Variants in LRRC4C observed in about 807,000 individuals in gnomAD.
LRRC4C encodes the protein leucine rich repeat containing 4C.
LRRC4C carries 5 observed loss-of-function variants against 33.6 expected under a neutral mutation model. That is an observed-to-expected ratio of 0.15 (90% CI 0.08 to 0.31). LRRC4C has a LOEUF of 0.31. Ranked by LOEUF, LRRC4C falls within the 10% of genes least tolerant of loss-of-function variation. The pLI, the probability that LRRC4C is intolerant of heterozygous loss-of-function variation, is 1.00. For synonymous variants in LRRC4C, 329 were observed against 302.0 expected, an observed-to-expected ratio of 1.09 and a Z score of -0.93; for missense variants, 560 against 796.7, an observed-to-expected ratio of 0.70 and a Z score of 3.58.
intron 3 of LRRC4C, among the ~76,000 whole-genome samples, chr11:40,336,355 AC>A (rs1416200480): frequency 3.3e-5 from 5 of 152,114 alleles, no homozygotes; most frequent in Non-Finnish European, 5.9e-5. Flanking sequence ...CCTGGCTAAT[AC>A]GTATTTCCCA....
intron 2 of LRRC4C, among the ~76,000 whole-genome samples, chr11:40,710,157 TTTG>T (rs1385700541): frequency 3.9e-5 from 6 of 152,176 alleles, no homozygotes; most frequent in African/African-American, 4.8e-5. Context: ...CTCGGAGAAG[TTTG>T]TTATTACCGA....
At chr11:40,650,633 A>AGT (rs1160039664) in intron 2 of LRRC4C, among the ~76,000 whole-genome samples, 1 of 152,080 alleles carries the variant, frequency 6.6e-6, no homozygotes, top group Non-Finnish European at 1.5e-5. Flanking sequence ...ACATCACATA[A>AGT]TTTTTTTCTC....
intron 5 of LRRC4C, among the ~76,000 whole-genome samples, chr11:40,207,768 T>G (rs568795186): frequency 6.6e-6 from 1 of 152,332 alleles, no homozygotes; most frequent in East Asian, 1.9e-4. Context: ...CTTAGGTTAA[T>G]TAATGATTTA....
In LRRC4C at chr11:40,547,362, G is replaced by A. The variant is rs117038956; in HGVS notation, c.-270+100780C>T. 6.4e-3 allele frequency among the ~76,000 whole-genome samples: 968 copies of A among 152,138 alleles called. 5 individuals carry two copies. The highest frequency in any genetic ancestry group is 0.017 in the Middle Eastern group (5 of 294). Reference sequence around the variant, plus strand: ...ATCTTGAAGCCAAATTCTGGGTGGAGAAACATAATTATTTTAATGCCTCCT... The same window carrying A: ...ATCTTGAAGCCAAATTCTGGGTGGAAAAACATAATTATTTTAATGCCTCCT... On this transcript the variant is annotated intron_variant, in intron 3 of 6. Transcript: ENST00000528697.
intron 2 of LRRC4C, among the ~76,000 whole-genome samples, chr11:40,766,192 G>A (rs1454684602): frequency 1.3e-5 from 2 of 150,276 alleles, no homozygotes; most frequent in African/African-American, 2.4e-5. Context: ...AAGTGTTAAG[G>A]AAAATGAAAA....
intron 6 of LRRC4C, among the ~76,000 whole-genome samples, chr11:40,119,633 A>C (rs1212277314): frequency 1.3e-5 from 2 of 152,178 alleles, no homozygotes; most frequent in African/African-American, 4.8e-5. Context: ...AGCCCTTTGC[A>C]TATATGTAGT....
intron 2 of LRRC4C, among the ~76,000 whole-genome samples, chr11:40,738,542 T>A (rs912966832): frequency 6.6e-6 from 1 of 152,058 alleles, no homozygotes; most frequent in Non-Finnish European, 1.5e-5. Context: ...GACACAAAAA[T>A]CAACTATATG....
In LRRC4C at chr11:41,290,539, G is replaced by A. The variant is rs749204589; in HGVS notation, c.-496+168892C>T. ...GCTGCTGAATGTATACTATTCACAC[G>A]GAGGCAAACTCATCAAGATGTGTTC... On this transcript the variant is annotated intron_variant, in intron 1 of 6. Coordinates refer to ENST00000528697, the MANE Select transcript of LRRC4C (RefSeq NM_001258419.2). 5.1e-4 allele frequency among the ~76,000 whole-genome samples: 77 copies of A among 152,148 alleles called. 1 individual carries two copies. Among genetic ancestry groups the A allele is most frequent in the Non-Finnish European group, 8.1e-4 (55 of 67,994 alleles).
intron 1 of LRRC4C, among the ~76,000 whole-genome samples, chr11:41,409,308 T>G (rs1298462716): frequency 6.6e-6 from 1 of 152,144 alleles, no homozygotes; most frequent in Non-Finnish European, 1.5e-5. Context: ...AAAATAATCG[T>G]GACCAAGGAA....
chr11:41,405,809 A>T (rs1408728646), intron 1 of LRRC4C, among the ~76,000 whole-genome samples: 1 of 152,164 alleles, frequency 6.6e-6, no homozygotes, highest in Non-Finnish European at 1.5e-5. Flanking sequence ...GTTAATATTT[A>T]TTTAACACCT....
intron 1 of LRRC4C, among the ~76,000 whole-genome samples, chr11:41,035,562 G>A (rs1857015140): frequency 6.6e-6 from 1 of 152,134 alleles, no homozygotes; most frequent in African/African-American, 2.4e-5. Context: ...ACATGATCGT[G>A]TTCCTTTTAA....
intron 1 of LRRC4C, among the ~76,000 whole-genome samples, chr11:41,012,915 G>C (rs930951288): frequency 1.3e-5 from 2 of 152,056 alleles, no homozygotes; most frequent in Non-Finnish European, 2.9e-5. Context: ...CAGACCTTTT[G>C]CCCATTTTAA....
At chr11:40,383,236 A>G (rs1054590633) in intron 3 of LRRC4C, among the ~76,000 whole-genome samples, 5 of 64,724 alleles carry the variant, frequency 7.7e-5, no homozygotes, top group Admixed American at 1.8e-4. Context: ...GTATATTTAT[A>G]TATCATATTT....
At chr11:41,185,203 G>C (rs1428014323) in intron 1 of LRRC4C, among the ~76,000 whole-genome samples, 2 of 152,000 alleles carry the variant, frequency 1.3e-5, no homozygotes, top group Non-Finnish European at 2.9e-5. Context: ...TAAATAGTAG[G>C]TAGTATCAAA....
At chr11:41,131,808 C>T (rs577483496) in intron 1 of LRRC4C, among the ~76,000 whole-genome samples, 5 of 152,162 alleles carry the variant, frequency 3.3e-5, no homozygotes, top group Admixed American at 6.6e-5. Flanking sequence ...GTTCATTATA[C>T]GCTAATTATA....
chr11:40,298,511 G>A (rs1944622687), intron 4 of LRRC4C, among the ~76,000 whole-genome samples: 1 of 150,936 alleles, frequency 6.6e-6, no homozygotes, highest in African/African-American at 2.4e-5. Flanking sequence ...ATCCAATAGA[G>A]CAAGCAGAAG....
chr11:40,153,755 T>A (rs80000682), intron 5 of LRRC4C, among the ~76,000 whole-genome samples: 176 of 151,928 alleles, frequency 1.2e-3, no homozygotes, highest in African/African-American at 4.1e-3. Context: ...GAAAAAAGAA[T>A]AAGAAAATAT....
At chr11:41,038,021 C>T (rs1231482723) in intron 1 of LRRC4C, among the ~76,000 whole-genome samples, 2 of 152,162 alleles carry the variant, frequency 1.3e-5, no homozygotes, top group Non-Finnish European at 2.9e-5. Context: ...GAACTATGCA[C>T]AAAAATTATT....
intron 1 of LRRC4C, among the ~76,000 whole-genome samples, chr11:41,092,946 G>A (rs1269744910): frequency 6.6e-6 from 1 of 152,178 alleles, no homozygotes; most frequent in Non-Finnish European, 1.5e-5. Context: ...GGAATCCTCT[G>A]TAATGTTTTA....
Sources: allele counts gnomAD v4.1 joint callset (sites outside exome capture counted in the v4.1 genomes callset), GRCh38; gene constraint gnomAD v4.1.1; transcripts MANE v1.5; gene names NCBI Gene and HGNC (gene_info 2026-07-23, HGNC 2026-07-21).